CDCA5: variants seen among roughly 807,000 people sequenced by gnomAD.
CDCA5 encodes cell division cycle associated 5, also known as sororin.
A neutral mutation model predicts 25.7 loss-of-function variants in CDCA5; 14 were observed. That is an observed-to-expected ratio of 0.54 (90% CI 0.36 to 0.85). CDCA5 has a LOEUF of 0.85. CDCA5 is among the 40% of genes least tolerant of loss of function. The pLI is 0.01. For missense variants in CDCA5, 307 were observed against 324.5 expected, an observed-to-expected ratio of 0.95 and a Z score of 0.41; for synonymous variants, 127 against 128.7, an observed-to-expected ratio of 0.99 and a Z score of 0.09.
In CDCA5 at chr11:65,067,745, TCCGAGTC is replaced by T; in HGVS notation, c.271_277del (p.Asp91ArgfsTer8). Reference sequence around the variant, plus strand: ...ATCTAAGAACTGGTACTCCTGGATCTCCGAGTCCCTGGAGCAAGTGGGTAGTGAAGGT... The same window carrying T: ...ATCTAAGAACTGGTACTCCTGGATCTCCTGGAGCAAGTGGGTAGTGAAGGT... On this transcript the variant is annotated frameshift_variant and splice_region_variant, in exon 4 of 7. Transcript: ENST00000525464. LOFTEE classifies it high-confidence loss of function. The T allele has an allele frequency of 3.1e-5, 40 of 1,289,464 alleles. No individual in the cohort carries two copies. Among genetic ancestry groups the T allele is most frequent in the Non-Finnish European group, 3.9e-5 (39 of 988,628 alleles). 79.9% of individuals were successfully genotyped at this position (1,289,464 alleles called of 1,614,324 possible). A position where few individuals can be genotyped will look rare whatever the true frequency, so the allele number is the denominator to read the frequency against.
At chr11:65,068,659 C>G in intron 1 of CDCA5, 1 of 1,098,064 alleles carries the variant, frequency 9.1e-7, no homozygotes, top group Non-Finnish European at 1.2e-6. Context: ...TATGCCATTT[C>G]TAGCCTGGTC....
downstream of CDCA5, chr11:65,066,221 G>T (rs1947233014): frequency 1.9e-6 from 1 of 530,598 alleles, no homozygotes; most frequent in Non-Finnish European, 2.7e-6. Context: ...TGGCTGAGGG[G>T]CTGAGCTCAG....
At chr11:65,073,159 G>T (rs950243945), downstream of CDCA5, among the ~76,000 whole-genome samples, 1 of 151,688 alleles carries the variant, frequency 6.6e-6, no homozygotes, top group Non-Finnish European at 1.5e-5. Context: ...TGGCCAGGCT[G>T]GTCTTGAACT....
exon 4 of CDCA5, chr11:65,067,747 C>T (rs759045545): frequency 9.3e-6 from 12 of 1,289,210 alleles, no homozygotes; most frequent in Admixed American, 6.9e-5. Flanking sequence ...CCTGGATCTC[C>T]GAGTCCCTGG....
chr11:65,083,770 A>G, intron 1 of CDCA5, 47 bp from the exon 2 acceptor site: 2 of 1,583,320 alleles, frequency 1.3e-6, no homozygotes, highest in Non-Finnish European at 1.7e-6. Context: ...TCTAGACCTT[A>G]GAGTCCAGAG....
intron 4 of CDCA5, among the ~76,000 whole-genome samples, chr11:65,067,202 G>C (rs780591467): frequency 6.6e-6 from 1 of 152,222 alleles, no homozygotes; most frequent in Non-Finnish European, 1.5e-5. Context: ...TATAGGGCTA[G>C]CCGCTCCTTT....
At chr11:65,068,107 T>A in exon 3 of CDCA5, 1 of 1,289,346 alleles carries the variant, frequency 7.8e-7, no homozygotes, top group African/African-American at 1.5e-5. Flanking sequence ...CCAGTTGTTC[T>A]GAGGAAGGTG....
chr11:65,082,459 CTTTT>C (rs35061489), intron 4 of CDCA5, among the ~76,000 whole-genome samples: 2 of 103,066 alleles, frequency 1.9e-5, no homozygotes, highest in African/African-American at 6.9e-5. Context: ...ACCTACTTGT[CTTTT>C]TTTTTTTTTT....
chr11:65,062,245 CTGAT>C (rs1565259591), downstream of CDCA5, among the ~76,000 whole-genome samples: 2 of 152,146 alleles, frequency 1.3e-5, no homozygotes, highest in African/African-American at 2.4e-5. Flanking sequence ...ACTGGCCTCT[CTGAT>C]TGTATTCTTG....
At chr11:65,083,125 A>C (rs1947608125) in intron 4 of CDCA5, 2 of 572,878 alleles carry the variant, frequency 3.5e-6, no homozygotes, top group Non-Finnish European at 6.2e-6. Flanking sequence ...GTTAAGACAT[A>C]GCTCAGCTTT....
downstream of CDCA5, among the ~76,000 whole-genome samples, chr11:65,072,938 CTTTTTT>C (rs751923442): frequency 1.0e-5 from 1 of 99,960 alleles, no homozygotes; most frequent in Non-Finnish European, 2.0e-5. Flanking sequence ...TTATTTCATT[CTTTTTT>C]TTTTTTTTTT....
At chr11:65,075,949 C>A (rs1384931927), downstream of CDCA5, among the ~76,000 whole-genome samples, 1 of 152,118 alleles carries the variant, frequency 6.6e-6, no homozygotes, top group Admixed American at 6.5e-5. Flanking sequence ...TGGCAGAGGC[C>A]CGAGCTTAGT....
At chr11:65,081,479 CG>C (rs1204501056) in intron 4 of CDCA5, among the ~76,000 whole-genome samples, 1 of 151,760 alleles carries the variant, frequency 6.6e-6, no homozygotes, top group Non-Finnish European at 1.5e-5. Flanking sequence ...CTGCTGACTA[CG>C]ACTTCCTCAT....
intron 4 of CDCA5, among the ~76,000 whole-genome samples, chr11:65,067,484 A>G (rs1304843219): frequency 6.6e-6 from 1 of 152,178 alleles, no homozygotes; most frequent in Non-Finnish European, 1.5e-5. Flanking sequence ...ACATCCAGAG[A>G]ACAAGCCCCT....
downstream of CDCA5, among the ~76,000 whole-genome samples, chr11:65,062,111 G>A (rs150545083): frequency 1.5e-3 from 225 of 151,938 alleles, 1 homozygote; most frequent in African/African-American, 5.2e-3. Context: ...GTAAAGATAG[G>A]GTTTCTCCAT....
chr11:65,078,126 G>C lies in CDCA5; in HGVS notation c.*981C>G. On this transcript the variant is annotated 3_prime_UTR_variant, in exon 6 of 6. Transcript: ENST00000275517. The stretch of plus-strand genomic sequence containing the variant: ...TGTCTGGTACGCGAGGAAACTTTCC[G>C]AGGACTTTACAAGCATAGTTGCAAA... The C allele has an allele frequency of 1.0e-6, 1 of 985,164 alleles. No homozygotes were observed. Among genetic ancestry groups the C allele is most frequent in the African/African-American group, 1.7e-5 (1 of 57,344 alleles). 61.0% of individuals were successfully genotyped at this position (985,164 alleles called of 1,614,324 possible). A position where few individuals can be genotyped will look rare whatever the true frequency, so the allele number is the denominator to read the frequency against.
downstream of CDCA5, among the ~76,000 whole-genome samples, chr11:65,064,181 G>A (rs936177293): frequency 6.6e-6 from 1 of 152,136 alleles, no homozygotes; most frequent in South Asian, 2.1e-4. Flanking sequence ...CACTTTGGGA[G>A]GCCGAGGCAG....
At chr11:65,081,629 G>C (rs1045422374) in intron 4 of CDCA5, among the ~76,000 whole-genome samples, 2 of 152,094 alleles carry the variant, frequency 1.3e-5, no homozygotes, top group Admixed American at 6.6e-5. Context: ...TGTTCTTAGA[G>C]GGGGGAGAGA....
intron 1 of CDCA5, among the ~76,000 whole-genome samples, chr11:65,068,818 T>C (rs1333606623): frequency 1.3e-5 from 2 of 152,244 alleles, no homozygotes; most frequent in African/African-American, 2.4e-5. Context: ...ATGGATACTT[T>C]TTCAGTATCT....
Sources: allele counts gnomAD v4.1 joint callset (sites outside exome capture counted in the v4.1 genomes callset), GRCh38; gene constraint gnomAD v4.1.1; transcripts MANE v1.5; gene names NCBI Gene and HGNC (gene_info 2026-07-23, HGNC 2026-07-21).